The following KITLG variants were observed in gnomAD, a reference collection of about 807,000 sequenced individuals.
KITLG encodes KIT ligand, also known as c-Kit ligand.
A neutral mutation model predicts 34.1 loss-of-function variants in KITLG; 13 were observed. The ratio of observed to expected loss-of-function variants is 0.38; its 90% CI spans 0.25 to 0.61. KITLG has a LOEUF of 0.61. Among genes scored for constraint, KITLG ranks in the 20% least tolerant of loss-of-function variants. The pLI, the probability that KITLG is intolerant of heterozygous loss-of-function variation, is 0.60. For synonymous variants in KITLG, 110 were observed against 104.0 expected, an observed-to-expected ratio of 1.06 and a Z score of -0.35; for missense variants, 292 against 318.9, an observed-to-expected ratio of 0.92 and a Z score of 0.64.
chr12:88,506,204 C>G (rs1158281180), intron 8 of KITLG, 107 bp downstream of exon 8: 1 of 793,296 alleles, frequency 1.3e-6, no homozygotes, highest in African/African-American at 1.7e-5. Flanking sequence ...TGGTTAGGAG[C>G]TACTGTCATG....
chr12:88,508,697 C>G (rs1359195413), intron 6 of KITLG, among the ~76,000 whole-genome samples: 4 of 152,020 alleles, frequency 2.6e-5, no homozygotes, highest in Non-Finnish European at 5.9e-5. Context: ...CCTTAGGATT[C>G]CTCCTCCTGG....
At chr12:88,543,821 A>G (rs1870608153) in intron 2 of KITLG, among the ~76,000 whole-genome samples, 1 of 152,156 alleles carries the variant, frequency 6.6e-6, no homozygotes, top group Non-Finnish European at 1.5e-5. Context: ...CTTGCTTTGT[A>G]GACTTATTTT....
chr12:88,544,145 T>C (rs1368478752), intron 2 of KITLG, among the ~76,000 whole-genome samples: 2 of 152,170 alleles, frequency 1.3e-5, no homozygotes, highest in South Asian at 2.1e-4. Flanking sequence ...TCCTCTTCCC[T>C]AAGTTCACAT....
At chr12:88,508,405 A>G (rs780752592) in intron 6 of KITLG, among the ~76,000 whole-genome samples, 26 of 152,328 alleles carry the variant, frequency 1.7e-4, no homozygotes, top group South Asian at 1.0e-3. Flanking sequence ...ATTTAACTTG[A>G]TAAGTCAGAA....
At chr12:88,559,625 T>C (rs1871232021) in intron 1 of KITLG, among the ~76,000 whole-genome samples, 3 of 152,216 alleles carry the variant, frequency 2.0e-5, no homozygotes, top group Admixed American at 2.0e-4. Flanking sequence ...AAAAGCCCAG[T>C]AATTAAGCAT....
rs980652708 is a variant in KITLG, at chr12:88,549,498, C to A, written c.16-3633G>T. 9.9e-5 allele frequency among the ~76,000 whole-genome samples: 15 copies of A among 152,070 alleles called. No homozygotes were observed. In the East Asian group the frequency reaches 2.9e-3, roughly 29 times the overall value. Reference sequence around the variant, plus strand: ...AGGCTGAACCATGAGAATTTCCTGACAGAGTACGATTTGAGAGAAAGAGTC... The same window carrying A: ...AGGCTGAACCATGAGAATTTCCTGAAAGAGTACGATTTGAGAGAAAGAGTC... On this transcript the variant is annotated intron_variant, in intron 1 of 9. Coordinates refer to ENST00000644744, the MANE Select transcript of KITLG (RefSeq NM_000899.5).
intron 2 of KITLG, among the ~76,000 whole-genome samples, chr12:88,539,820 G>A (rs527348325): frequency 6.6e-6 from 1 of 152,012 alleles, no homozygotes; most frequent in Non-Finnish European, 1.5e-5. Context: ...AGCTACTAGA[G>A]AGGCTGAGGC....
At position 88,532,457 on chromosome 12, in the gene KITLG, G is replaced by T. The variant is rs1240809017; in HGVS notation, c.176C>A (p.Pro59His). Residue 59 changes from proline (P) to histidine (H), a missense_variant, in exon 3 of 10, where the codon CCC (proline) becomes CAC (histidine). Physicochemically the swap from Pro to His is moderately conservative, Grantham distance 77. This residue lies in a region of KITLG where 152 missense variants were observed against 207.9 expected (regional missense o/e 0.73). Transcript: ENST00000644744. ...KDYMITLKYV[P>H]GMDVLPSHCW... is the part of the protein sequence containing the mutation. ...TTTACATACCAAAACATCCATCCCGGGGACATATTTGAGGGTTATCATGTA... is the reference window on the plus strand; with the variant it reads ...TTTACATACCAAAACATCCATCCCGTGGACATATTTGAGGGTTATCATGTA... 6.2e-7 allele frequency: 1 copy of T among 1,610,562 alleles called. No homozygotes were observed. The highest frequency in any genetic ancestry group is 1.1e-5 in the South Asian group (1 of 90,420).
At chr12:88,532,355 T>C in intron 3 of KITLG, 86 bp downstream of exon 3, 2 of 970,634 alleles carry the variant, frequency 2.1e-6, no homozygotes, top group Non-Finnish European at 3.2e-6. Flanking sequence ...AGCTCCTAAA[T>C]AGCAGCTAGT....
At chr12:88,559,356 C>T (rs1189552020) in intron 1 of KITLG, among the ~76,000 whole-genome samples, 10 of 152,254 alleles carry the variant, frequency 6.6e-5, no homozygotes, top group Admixed American at 3.3e-4. Flanking sequence ...GTTGGTACTG[C>T]GGGCAGCAAG....
At chr12:88,544,851 G>A (rs1870658574) in intron 2 of KITLG, among the ~76,000 whole-genome samples, 1 of 152,028 alleles carries the variant, frequency 6.6e-6, no homozygotes, top group South Asian at 2.1e-4. Context: ...GATAAATAGA[G>A]CCCCTTCTAC....
At chr12:88,499,373 T>G (rs180742157) in intron 9 of KITLG, among the ~76,000 whole-genome samples, 1 of 152,248 alleles carries the variant, frequency 6.6e-6, no homozygotes, top group East Asian at 1.9e-4. Flanking sequence ...TTATTCCAAT[T>G]CTAAGATTTA....
At chr12:88,513,316 G>T (rs1325032759) in intron 6 of KITLG, among the ~76,000 whole-genome samples, 9 of 147,568 alleles carry the variant, frequency 6.1e-5, no homozygotes, top group Non-Finnish European at 1.4e-4. Flanking sequence ...TTAAACACTA[G>T]AAAAAAAATA....
At chr12:88,531,812 G>T (rs1412871728) in intron 3 of KITLG, among the ~76,000 whole-genome samples, 1 of 152,052 alleles carries the variant, frequency 6.6e-6, no homozygotes, top group Non-Finnish European at 1.5e-5. Flanking sequence ...ATGGCCCTCT[G>T]TATCCACGGA....
intron 7 of KITLG, 46 bp from the exon 8 acceptor site, chr12:88,506,424 G>A: frequency 7.4e-7 from 1 of 1,346,564 alleles, no homozygotes; most frequent in Non-Finnish European, 1.1e-6. Flanking sequence ...TCAATGAATG[G>A]TCTAATATTT....
At chr12:88,533,425 G>C (rs1870178054) in intron 2 of KITLG, among the ~76,000 whole-genome samples, 1 of 152,116 alleles carries the variant, frequency 6.6e-6, no homozygotes, top group African/African-American at 2.4e-5. Flanking sequence ...TCTTTACTGA[G>C]AGCTATACCG....
intron 1 of KITLG, among the ~76,000 whole-genome samples, chr12:88,546,341 T>C (rs1244292287): frequency 6.6e-6 from 1 of 152,198 alleles, no homozygotes; most frequent in Non-Finnish European, 1.5e-5. Flanking sequence ...GTGAGAGAGA[T>C]GTATATTTTT....
At chr12:88,504,416 G>C (rs567103385) in intron 9 of KITLG, among the ~76,000 whole-genome samples, 2 of 152,040 alleles carry the variant, frequency 1.3e-5, no homozygotes, top group South Asian at 4.2e-4. Context: ...AAATTTACAA[G>C]AAAAAATCAA....
chr12:88,535,373 T>G (rs182469287), intron 2 of KITLG, among the ~76,000 whole-genome samples: 1 of 152,194 alleles, frequency 6.6e-6, no homozygotes, highest in Admixed American at 6.6e-5. Flanking sequence ...CTTTATAATT[T>G]AAAACAAGTT....
Sources: gnomAD v4.1 joint callset for allele counts (sites outside exome capture counted in the v4.1 genomes callset) on GRCh38, gnomAD v4.1.1 for gene constraint, gnomAD v4.1.1 regional missense constraint, MANE v1.5 for transcripts, NCBI Gene and HGNC (gene_info 2026-07-23, HGNC 2026-07-21) for gene names.